The following TMEM272 variants were observed in gnomAD, a reference collection of about 807,000 sequenced individuals.
The protein encoded by TMEM272 is long intergenic non-protein coding RNA 282.
A neutral mutation model predicts 3.7 loss-of-function variants in TMEM272; 8 were observed. The observed-to-expected ratio is 2.17, with a 90% CI of 1.27 to 3.91. The LOEUF is 3.91. TMEM272 is among the 30% of genes most tolerant of loss of function. The pLI, the probability that TMEM272 is intolerant of heterozygous loss-of-function variation, is 0.00. For missense variants in TMEM272, 166 were observed against 91.5 expected (o/e 1.81, Z -3.32); for synonymous variants, 63 against 39.8 (o/e 1.58, Z -2.20).
the TMEM272 span, among the ~76,000 whole-genome samples, chr13:51,925,352 C>T: frequency 1.3e-5 from 2 of 152,206 alleles, no homozygotes; most frequent in Non-Finnish European, 2.9e-5. Flanking sequence ...CATCTTACAT[C>T]ATCAGCAAAA....
At chr13:51,848,618 T>A (rs373682316), upstream of TMEM272, among the ~76,000 whole-genome samples, 42 of 152,236 alleles carry the variant, frequency 2.8e-4, no homozygotes, top group African/African-American at 9.6e-4. Flanking sequence ...AAAAGAGTAG[T>A]GAGTGAATGA....
the TMEM272 span, among the ~76,000 whole-genome samples, chr13:51,919,816 T>C: frequency 0.58 from 87,628 of 152,168 alleles, 26,885 homozygotes; most frequent in African/African-American, 0.79. Context: ...CCCTGTGACA[T>C]TTTCTTGTGC....
chr13:51,922,856 T>C, the TMEM272 span, among the ~76,000 whole-genome samples: 1 of 152,168 alleles, frequency 6.6e-6, no homozygotes. Context: ...TCCTCTATCA[T>C]TGCATCTCCT....
chr13:51,880,366 G>A, the TMEM272 span, among the ~76,000 whole-genome samples: 10 of 151,946 alleles, frequency 6.6e-5, no homozygotes, highest in South Asian at 2.1e-3. Flanking sequence ...AAGAGAACCT[G>A]TATAATTATG....
the TMEM272 span, among the ~76,000 whole-genome samples, chr13:51,873,127 C>A: frequency 6.6e-6 from 1 of 152,184 alleles, no homozygotes; most frequent in African/African-American, 2.4e-5. Flanking sequence ...AATGGAACTC[C>A]TAAAGTAACT....
At chr13:51,852,650 C>T in the TMEM272 span, among the ~76,000 whole-genome samples, 42 of 152,208 alleles carry the variant, frequency 2.8e-4, no homozygotes, top group East Asian at 3.7e-3. Flanking sequence ...GAGGCCAAGG[C>T]GGGCAGATCA....
chr13:51,862,773 G>A, the TMEM272 span, among the ~76,000 whole-genome samples: 1 of 152,172 alleles, frequency 6.6e-6, no homozygotes, highest in Non-Finnish European at 1.5e-5. Flanking sequence ...ATGGAAGTGA[G>A]GGAGGACTTC....
chr13:51,883,304 C>CT, the TMEM272 span, among the ~76,000 whole-genome samples: 1 of 152,190 alleles, frequency 6.6e-6, no homozygotes, highest in Non-Finnish European at 1.5e-5. Flanking sequence ...TATGTTACAG[C>CT]TTTTTTCCCA....
chr13:51,885,529 G>A, the TMEM272 span, among the ~76,000 whole-genome samples: 7 of 152,196 alleles, frequency 4.6e-5, no homozygotes, highest in South Asian at 2.1e-4. Context: ...ACCTACCACC[G>A]GATCCCTCCC....
At chr13:51,928,929 T>G in the TMEM272 span, among the ~76,000 whole-genome samples, 1 of 152,210 alleles carries the variant, frequency 6.6e-6, no homozygotes. Context: ...CTGGGTGTGG[T>G]GGCTCACACC....
At chr13:51,880,396 G>A in the TMEM272 span, among the ~76,000 whole-genome samples, 5 of 152,094 alleles carry the variant, frequency 3.3e-5, no homozygotes, top group Admixed American at 1.3e-4. Flanking sequence ...CCTGAGGCAT[G>A]GGCCTGTAGT....
At chr13:51,914,817 A>G in the TMEM272 span, among the ~76,000 whole-genome samples, 18 of 152,242 alleles carry the variant, frequency 1.2e-4, no homozygotes, top group African/African-American at 4.3e-4. Context: ...GGCACATGTT[A>G]GAGTCCAAGA....
At chr13:51,928,434 C>T in the TMEM272 span, among the ~76,000 whole-genome samples, 1 of 152,190 alleles carries the variant, frequency 6.6e-6, no homozygotes, top group Admixed American at 6.5e-5. Context: ...TGCTGTGAGA[C>T]AGGAACTATT....
chr13:51,855,140 A>G, the TMEM272 span, among the ~76,000 whole-genome samples: 1 of 152,256 alleles, frequency 6.6e-6, no homozygotes, highest in African/African-American at 2.4e-5. Context: ...CAGAGATTTC[A>G]GCAATGTAAA....
the TMEM272 span, among the ~76,000 whole-genome samples, chr13:51,914,379 T>G: frequency 2.0e-5 from 3 of 152,326 alleles, no homozygotes; most frequent in African/African-American, 7.2e-5. Context: ...GCCAGGCAAG[T>G]AGAGGTCAGC....
In TMEM272 at chr13:51,816,062, C is replaced by CA; in HGVS notation, c.*688dup. 1 of 152,390 alleles carries CA rather than the reference C, an allele frequency of 6.6e-6. No individual in the cohort carries two copies. Among genetic ancestry groups the CA allele is most frequent in the Non-Finnish European group, 1.5e-5 (1 of 68,170 alleles). 9.4% of individuals were successfully genotyped at this position (152,390 alleles called of 1,614,324 possible). On this transcript the variant is annotated 3_prime_UTR_variant, in exon 5 of 5. Transcript: ENST00000629372. ...GAACCTGCAGCAGCGGCACACGGTG[C>CA]ACACGGCGCTGCACTCCGCAATGCC...
chr13:51,869,484 T>A, the TMEM272 span, among the ~76,000 whole-genome samples: 3 of 145,480 alleles, frequency 2.1e-5, no homozygotes. Flanking sequence ...CCAGTCCCAA[T>A]TCAGTAATTT....
In TMEM272 at chr13:51,826,631, A is replaced by G. The variant is rs1248843358; in HGVS notation, c.59-6T>C. On this transcript the variant is annotated splice_polypyrimidine_tract_variant and splice_region_variant and intron_variant, in intron 2 of 4. Coordinates refer to ENST00000629372, the MANE Select transcript of TMEM272 (RefSeq NM_001351003.2). ...GAGCACAACAACGAAGCAGGCTGCA[A>G]GGAGAAGAAGGGGCAGGCACTGGGT... 2 of 702,496 alleles carry G rather than the reference A, an allele frequency of 2.8e-6. No homozygotes were observed. The highest frequency in any genetic ancestry group is 5.2e-6 in the Non-Finnish European group (2 of 385,016). The allele number at this position is 702,496 out of a possible 1,614,324, so 43.5% of individuals were successfully genotyped here. A position where few individuals can be genotyped will look rare whatever the true frequency, so the allele number is the denominator to read the frequency against.
the TMEM272 span, among the ~76,000 whole-genome samples, chr13:51,927,650 C>T: frequency 1.3e-5 from 2 of 152,190 alleles, no homozygotes; most frequent in African/African-American, 4.8e-5. Context: ...ACCCTTTACA[C>T]TCACGTCCTC....
Sources: allele counts gnomAD v4.1 joint callset (sites outside exome capture counted in the v4.1 genomes callset), GRCh38; gene constraint gnomAD v4.1.1; transcripts MANE v1.5; gene names NCBI Gene and HGNC (gene_info 2026-07-23, HGNC 2026-07-21).